The following GRID2 variants were observed in gnomAD, a reference collection of about 807,000 sequenced individuals.
GRID2 encodes glutamate receptor ionotropic, delta-2.
A neutral mutation model predicts 114.8 loss-of-function variants in GRID2; 33 were observed. The ratio of observed to expected loss-of-function variants is 0.29; its 90% CI spans 0.22 to 0.38. The LOEUF (loss-of-function observed/expected upper bound fraction) is 0.38. Ranked by LOEUF, GRID2 falls within the 10% of genes least tolerant of loss-of-function variation. GRID2 has a pLI of 1.00. For synonymous variants in GRID2, 505 were observed against 449.9 expected, an observed-to-expected ratio of 1.12 and a Z score of -1.55; for missense variants, 1,184 against 1,257.7, an observed-to-expected ratio of 0.94 and a Z score of 0.89.
chr4:93,715,921 T>C (rs1728864543), intron 14 of GRID2, among the ~76,000 whole-genome samples: 1 of 152,186 alleles, frequency 6.6e-6, no homozygotes, highest in Non-Finnish European at 1.5e-5. Context: ...TATCTTTATT[T>C]CTTTCTCTTG....
chr4:93,377,471 G>A (rs565851118), intron 8 of GRID2, among the ~76,000 whole-genome samples: 1 of 151,958 alleles, frequency 6.6e-6, no homozygotes, highest in Non-Finnish European at 1.5e-5. Context: ...ACAGGGTTTC[G>A]GCTTGGCAGA....
At chr4:93,573,885 TC>T (rs1429631374) in intron 13 of GRID2, among the ~76,000 whole-genome samples, 1 of 152,122 alleles carries the variant, frequency 6.6e-6, no homozygotes, top group Non-Finnish European at 1.5e-5. Context: ...AAATTCCAAC[TC>T]CACAACTTAT....
intron 13 of GRID2, among the ~76,000 whole-genome samples, chr4:93,569,426 C>A (rs1437708784): frequency 6.6e-6 from 1 of 152,158 alleles, no homozygotes; most frequent in East Asian, 1.9e-4. Flanking sequence ...CAAATCCACC[C>A]ATTTATCACC....
chr4:93,128,281 C>T (rs1018221620), intron 4 of GRID2, among the ~76,000 whole-genome samples: 29 of 151,910 alleles, frequency 1.9e-4, no homozygotes, highest in African/African-American at 7.0e-4. Flanking sequence ...ATATTTCGCC[C>T]TTAAGCATAG....
chr4:93,314,315 A>T, intron 8 of GRID2, among the ~76,000 whole-genome samples: 1 of 150,598 alleles, frequency 6.6e-6, no homozygotes, highest in Non-Finnish European at 1.5e-5. Context: ...AAAAAAAAAA[A>T]AAAAAAAAAA....
intron 4 of GRID2, among the ~76,000 whole-genome samples, chr4:93,196,325 A>G (rs1741484925): frequency 6.6e-6 from 1 of 152,184 alleles, no homozygotes; most frequent in South Asian, 2.1e-4. Flanking sequence ...TTTGAGAATG[A>G]CAAAACACAA....
chr4:93,630,872 T>C lies in GRID2; in HGVS notation c.2360+4437T>C, dbSNP rs138964047. 5.9e-5 allele frequency among the ~76,000 whole-genome samples: 9 copies of C among 152,338 alleles called. No individual in the cohort carries two copies. The East Asian group carries it at 1.5e-3, about 26-fold the overall frequency. The stretch of plus-strand genomic sequence containing the variant: ...ATTTCATATCCAGTTTTCTGGTCAC[T>C]GTACATTCTGTCTTCCCTTATATTT... On this transcript the variant is annotated intron_variant, in intron 14 of 15. Coordinates refer to ENST00000282020, the MANE Select transcript of GRID2 (RefSeq NM_001510.4).
intron 2 of GRID2, among the ~76,000 whole-genome samples, chr4:92,687,167 A>T (rs912561289): frequency 2.0e-5 from 3 of 148,818 alleles, no homozygotes; most frequent in Non-Finnish European, 4.4e-5. Context: ...TTTTCACAAG[A>T]TACGGATTTT....
chr4:92,387,345 T>C (rs901314722), intron 1 of GRID2, among the ~76,000 whole-genome samples: 2 of 152,022 alleles, frequency 1.3e-5, no homozygotes, highest in African/African-American at 2.4e-5. Context: ...GTCTAAGAGA[T>C]GTTTTGAAAA....
At chr4:92,394,632 A>T (rs976106135) in intron 1 of GRID2, among the ~76,000 whole-genome samples, 1 of 151,944 alleles carries the variant, frequency 6.6e-6, no homozygotes, top group Non-Finnish European at 1.5e-5. Flanking sequence ...TTAAACATAA[A>T]TTTCAAAACT....
chr4:93,768,465 A>AG (rs1315527980), intron 14 of GRID2, among the ~76,000 whole-genome samples: 1 of 152,206 alleles, frequency 6.6e-6, no homozygotes, highest in African/African-American at 2.4e-5. Context: ...GACTCTGGGG[A>AG]GGGGAAAAAG....
At chr4:92,345,154 G>A (rs557348245) in intron 1 of GRID2, among the ~76,000 whole-genome samples, 4 of 152,146 alleles carry the variant, frequency 2.6e-5, no homozygotes, top group East Asian at 1.9e-4. Flanking sequence ...TTCCATACCC[G>A]AGCTACTTCA....
At chr4:93,684,088 A>G (rs1269634260) in intron 14 of GRID2, among the ~76,000 whole-genome samples, 1 of 152,100 alleles carries the variant, frequency 6.6e-6, no homozygotes, top group Non-Finnish European at 1.5e-5. Flanking sequence ...ATCTATACAC[A>G]CCTATTCATA....
At chr4:92,723,867 CTT>C (rs1450671348) in intron 2 of GRID2, among the ~76,000 whole-genome samples, 4 of 152,106 alleles carry the variant, frequency 2.6e-5, no homozygotes, top group Non-Finnish European at 4.4e-5. Context: ...CCTATTACCT[CTT>C]GTTTGTAAAT....
intron 1 of GRID2, among the ~76,000 whole-genome samples, chr4:92,501,143 C>T (rs995085719): frequency 3.3e-5 from 5 of 152,162 alleles, no homozygotes; most frequent in South Asian, 4.2e-4. Context: ...GGAATGCATT[C>T]GGGAATTCTC....
intron 2 of GRID2, among the ~76,000 whole-genome samples, chr4:92,722,362 G>A (rs906014267): frequency 6.6e-6 from 1 of 152,152 alleles, no homozygotes; most frequent in African/African-American, 2.4e-5. Context: ...GAAAAGCAGA[G>A]TGGGAGCCTT....
At chr4:93,450,948 A>G (rs1722631648) in intron 10 of GRID2, among the ~76,000 whole-genome samples, 1 of 151,924 alleles carries the variant, frequency 6.6e-6, no homozygotes, top group African/African-American at 2.4e-5. Context: ...ATCTTTTATC[A>G]TTGCTATAAA....
chr4:93,615,975 T>C (rs896423577), intron 13 of GRID2, among the ~76,000 whole-genome samples: 2 of 152,208 alleles, frequency 1.3e-5, no homozygotes, highest in Non-Finnish European at 2.9e-5. Flanking sequence ...GAGAAGGACA[T>C]TTCTTCTTGT....
chr4:92,676,340 C>T (rs1055518104), intron 2 of GRID2, among the ~76,000 whole-genome samples: 6 of 151,852 alleles, frequency 4.0e-5, no homozygotes, highest in African/African-American at 9.7e-5. Context: ...CCACAACGCC[C>T]GGCTAATTTG....
Sources: gnomAD v4.1 joint callset for allele counts (sites outside exome capture counted in the v4.1 genomes callset) on GRCh38, gnomAD v4.1.1 for gene constraint, MANE v1.5 for transcripts, NCBI Gene and HGNC (gene_info 2026-07-23, HGNC 2026-07-21) for gene names.